ST3GAL4: variants seen among roughly 807,000 people sequenced by gnomAD.
ST3GAL4 encodes the protein CMP-N-acetylneuraminate-beta-galactosamide-alpha-2,3-sialyltransferase 4.
In ST3GAL4, 24 loss-of-function variants were observed where a neutral mutation model predicts 42.6. That is an observed-to-expected ratio of 0.56 (90% CI 0.41 to 0.79). The LOEUF (loss-of-function observed/expected upper bound fraction) is 0.79, where lower values mean the gene tolerates loss of function less well. ST3GAL4 is among the 30% of genes least tolerant of loss of function. ST3GAL4 has a pLI of 0.00. For synonymous variants in ST3GAL4, 135 were observed against 163.2 expected (o/e 0.83, Z 1.32); for missense variants, 311 against 430.8 (o/e 0.72, Z 2.46).
At chr11:126,369,849 T>C (rs1952577748) in intron 1 of ST3GAL4, among the ~76,000 whole-genome samples, 1 of 152,222 alleles carries the variant, frequency 6.6e-6, no homozygotes, top group Non-Finnish European at 1.5e-5. Context: ...CTGAGTACTC[T>C]ATTCACATAA....
In ST3GAL4 at chr11:126,409,147, G is replaced by T; in HGVS notation, c.628-121G>T. 8.1e-7 allele frequency: 1 copy of T among 1,232,194 alleles called. No individual in the cohort carries two copies. The highest frequency in any genetic ancestry group is 1.2e-6 in the Non-Finnish European group (1 of 866,532). The allele number at this position is 1,232,194 out of a possible 1,614,324, so 76.3% of individuals were successfully genotyped here. A position where few individuals can be genotyped will look rare whatever the true frequency, so the allele number is the denominator to read the frequency against. Reference sequence around the variant, plus strand: ...CTTCACCTCCCTTTCCTCTCACCTTGTGCTCCTGAAGGCCTCTGCCATCGC... The same window carrying T: ...CTTCACCTCCCTTTCCTCTCACCTTTTGCTCCTGAAGGCCTCTGCCATCGC... On this transcript the variant is annotated intron_variant, in intron 8 of 10. Coordinates refer to ENST00000444328, the MANE Select transcript of ST3GAL4 (RefSeq NM_001254757.2). This position sits in a 1 kb window ranked among gnomAD's most constrained non-coding sequence, Gnocchi z 4.9.
chr11:126,394,912 G>T (rs1449249283), intron 1 of ST3GAL4, among the ~76,000 whole-genome samples: 3 of 152,118 alleles, frequency 2.0e-5, no homozygotes, highest in East Asian at 1.9e-4. Context: ...AGCCTGTCTG[G>T]CTCCTTTCCC....
At chr11:126,412,105 G>T (rs1015970494) in intron 9 of ST3GAL4, among the ~76,000 whole-genome samples, 2 of 151,780 alleles carry the variant, frequency 1.3e-5, no homozygotes, top group African/African-American at 2.4e-5. Flanking sequence ...GGTAGGGGGC[G>T]GGGGGTGGTA....
At chr11:126,399,568 A>C (rs1021473887) in intron 1 of ST3GAL4, among the ~76,000 whole-genome samples, 2 of 151,976 alleles carry the variant, frequency 1.3e-5, no homozygotes, top group Non-Finnish European at 2.9e-5. Context: ...CAGCCTCCCA[A>C]AGTGCTAGGA....
intron 1 of ST3GAL4, among the ~76,000 whole-genome samples, chr11:126,377,144 G>T (rs1486520126): frequency 6.6e-6 from 1 of 152,048 alleles, no homozygotes; most frequent in Non-Finnish European, 1.5e-5. Context: ...TTAAGTTTTC[G>T]GTAATACCTG....
chr11:126,392,228 G>A lies in ST3GAL4; in HGVS notation c.-60-13868G>A, dbSNP rs1340747605. The A allele has an allele frequency of 3.7e-6, 3 of 805,748 alleles. No homozygotes were observed. Among genetic ancestry groups the A allele is most frequent in the African/African-American group, 3.7e-5 (2 of 53,568 alleles). 49.9% of individuals were successfully genotyped at this position (805,748 alleles called of 1,614,324 possible). A position where few individuals can be genotyped will look rare whatever the true frequency, so the allele number is the denominator to read the frequency against. On this transcript the variant is annotated intron_variant, in intron 1 of 10. Coordinates refer to ENST00000444328, the MANE Select transcript of ST3GAL4 (RefSeq NM_001254757.2). The surrounding 1 kb of genome is among the most constrained non-coding windows in gnomAD (Gnocchi z 5.8). ...CATCTCAGGTTGACCCCCGTTAGGA[G>A]GAAGTAAGTAGGAAGGAAGGAGATT...
rs1953497706 is a variant in ST3GAL4, at chr11:126,391,143, G to A, written c.-60-14953G>A. Among the ~76,000 whole-genome samples the A allele has an allele frequency of 6.6e-6, 1 of 152,152 alleles. No individual in the cohort carries two copies. Among genetic ancestry groups the A allele is most frequent in the African/African-American group, 2.4e-5 (1 of 41,420 alleles). ...CTATTGCAAAGTCAATAATGCTGCT[G>A]TGACCACGGGTGTACAGATATCTCT... On this transcript the variant is annotated intron_variant, in intron 1 of 10. Transcript: ENST00000444328. The surrounding 1 kb of genome is among the most constrained non-coding windows in gnomAD (Gnocchi z 5.5).
intron 1 of ST3GAL4, among the ~76,000 whole-genome samples, chr11:126,375,468 G>A (rs1057398515): frequency 1.3e-5 from 2 of 152,140 alleles, no homozygotes; most frequent in African/African-American, 4.8e-5. Flanking sequence ...GGTTTTAGAA[G>A]CCGTAGGATG....
rs1953603433 is a variant in ST3GAL4, at chr11:126,393,490, G to C, written c.-60-12606G>C. Reference sequence around the variant, plus strand: ...TCAGGAGGAGGGGGATGGGGACGGGGAGAGTGAGGTCTTTTTGACTTTGAT... The same window carrying C: ...TCAGGAGGAGGGGGATGGGGACGGGCAGAGTGAGGTCTTTTTGACTTTGAT... On this transcript the variant is annotated intron_variant, in intron 1 of 10. Transcript: ENST00000444328. This position sits in a 1 kb window ranked among gnomAD's most constrained non-coding sequence, Gnocchi z 5.9. 6.6e-6 allele frequency among the ~76,000 whole-genome samples: 1 copy of C among 152,198 alleles called. No homozygotes were observed. The highest frequency in any genetic ancestry group is 2.4e-5 in the African/African-American group (1 of 41,450).
In ST3GAL4 at chr11:126,406,353, C is replaced by G. The variant is rs1400504311; in HGVS notation, c.17-120C>G. On this transcript the variant is annotated intron_variant, in intron 2 of 10. Transcript: ENST00000444328. The surrounding 1 kb of genome is among the most constrained non-coding windows in gnomAD (Gnocchi z 5.4). Reference sequence around the variant, plus strand: ...CCCTCAGCCAGGGCCAGGAGAGGGCCAGAGACTGCTTCTGTTGAGTTAGGG... The same window carrying G: ...CCCTCAGCCAGGGCCAGGAGAGGGCGAGAGACTGCTTCTGTTGAGTTAGGG... 15 of 1,561,312 alleles carry G rather than the reference C, an allele frequency of 9.6e-6. No individual in the cohort carries two copies. The highest frequency in any genetic ancestry group is 1.3e-5 in the Non-Finnish European group (15 of 1,153,334).
Position 126,406,151 on chromosome 11 carries a change from G to A in ST3GAL4, c.-5G>A. 6.4e-7 allele frequency: 1 copy of A among 1,555,436 alleles called. No individual in the cohort carries two copies. Among genetic ancestry groups the A allele is most frequent in the East Asian group, 2.4e-5 (1 of 41,138 alleles). ...CCCCAGGAATCCTGCTGCCTGCTGA[G>A]AAACATGGTCAGCAAGTCCCGTGAG... On this transcript the variant is annotated 5_prime_UTR_variant, in exon 2 of 11. Transcript: ENST00000444328. The surrounding 1 kb of genome is among the most constrained non-coding windows in gnomAD (Gnocchi z 5.4).
intron 1 of ST3GAL4, among the ~76,000 whole-genome samples, chr11:126,385,429 G>A (rs1239564290): frequency 6.6e-6 from 1 of 152,058 alleles, no homozygotes; most frequent in East Asian, 1.9e-4. Flanking sequence ...TGGGATGACA[G>A]GCATGAGCCA....
Position 126,406,171 on chromosome 11 carries a change from C to G in ST3GAL4, c.16C>G (p.Arg6Gly). The part of the protein sequence containing the change: MVSKS[R>G]WKLLAMLALV... ...GCTGAGAAACATGGTCAGCAAGTCC[C>G]GTGAGTGTCATCCGAGGGCTCCCCC... The change falls in exon 2 of 11, where the codon CGC becomes GGC. Residue 6 changes from arginine to glycine, a missense_variant and splice_region_variant. Physicochemically the swap from Arg to Gly is moderately radical, Grantham distance 125. Transcript: ENST00000444328. The surrounding 1 kb of genome is among the most constrained non-coding windows in gnomAD (Gnocchi z 5.4). 3 of 1,558,046 alleles carry G rather than the reference C, an allele frequency of 1.9e-6. No homozygotes were observed. Among genetic ancestry groups the G allele is most frequent in the Non-Finnish European group, 2.6e-6 (3 of 1,150,804 alleles).
Position 126,400,510 on chromosome 11 carries a change from G to C in ST3GAL4, c.-60-5586G>C, listed in dbSNP as rs1240547041. Among the ~76,000 whole-genome samples the C allele has an allele frequency of 6.6e-6, 1 of 152,194 alleles. No individual in the cohort carries two copies. Among genetic ancestry groups the C allele is most frequent in the African/African-American group, 2.4e-5 (1 of 41,450 alleles). ...TGGCAGCTACAGTGGGAGGGAAAAG[G>C]TGGCTCCCTTAGTGTGCTTGGGAGG... On this transcript the variant is annotated intron_variant, in intron 1 of 10. Transcript: ENST00000444328. The surrounding 1 kb of genome is among the most constrained non-coding windows in gnomAD (Gnocchi z 4.6).
At position 126,406,806 on chromosome 11, in the gene ST3GAL4, C is replaced by T; in HGVS notation, c.102-137C>T. On this transcript the variant is annotated intron_variant, in intron 3 of 10. Transcript: ENST00000444328. This position sits in a 1 kb window ranked among gnomAD's most constrained non-coding sequence, Gnocchi z 5.4. ...CCTGGATCCTCAAGGACTTGGGTTCCAAGTGGAACTTAACTTGAGATGATT... is the reference window on the plus strand; with the variant it reads ...CCTGGATCCTCAAGGACTTGGGTTCTAAGTGGAACTTAACTTGAGATGATT... 1 of 987,792 alleles carries T rather than the reference C, an allele frequency of 1.0e-6. No individual in the cohort carries two copies. Among genetic ancestry groups the T allele is most frequent in the Non-Finnish European group, 1.5e-6 (1 of 649,220 alleles). 61.2% of individuals were successfully genotyped at this position (987,792 alleles called of 1,614,324 possible).
intron 1 of ST3GAL4, among the ~76,000 whole-genome samples, chr11:126,357,071 C>A (rs1952095909): frequency 6.6e-6 from 1 of 152,202 alleles, no homozygotes; most frequent in South Asian, 2.1e-4. Context: ...CCAAAGCTGC[C>A]CGATAATTCT....
At position 126,406,134 on chromosome 11, in the gene ST3GAL4, A is replaced by G. The variant is rs934584191; in HGVS notation, c.-22A>G. 1.9e-6 allele frequency: 3 copies of G among 1,552,916 alleles called. No homozygotes were observed. The highest frequency in any genetic ancestry group is 2.6e-6 in the Non-Finnish European group (3 of 1,147,682). ...GCCGGGATGACAGCTCTCCCCAGGA[A>G]TCCTGCTGCCTGCTGAGAAACATGG... On this transcript the variant is annotated 5_prime_UTR_variant, in exon 2 of 11. Coordinates refer to ENST00000444328, the MANE Select transcript of ST3GAL4 (RefSeq NM_001254757.2). This position sits in a 1 kb window ranked among gnomAD's most constrained non-coding sequence, Gnocchi z 5.4.
Position 126,409,058 on chromosome 11 carries a change from C to T in ST3GAL4, c.628-210C>T, listed in dbSNP as rs1241079985. Among the ~76,000 whole-genome samples the T allele has an allele frequency of 1.3e-5, 2 of 152,140 alleles. No individual in the cohort carries two copies. Among genetic ancestry groups the T allele is most frequent in the African/African-American group, 2.4e-5 (1 of 41,416 alleles). On this transcript the variant is annotated intron_variant, in intron 8 of 10. Coordinates refer to ENST00000444328, the MANE Select transcript of ST3GAL4 (RefSeq NM_001254757.2). This position sits in a 1 kb window ranked among gnomAD's most constrained non-coding sequence, Gnocchi z 4.9. ...CTATACACCTGGTCACCTGGCCTCC[C>T]GAGGGGGTGCCTTTCCTCCTCTCTT... is the stretch of plus-strand genomic sequence containing the variant.
rs1953763164 is a variant in ST3GAL4 at position 126,396,404 on chromosome 11, C to CA, written c.-60-9686dup. ...CCATGCCAGTGGTGGGATGTGGCTG[C>CA]AAAAAATGGTCGGATTCATGGAAGT... On this transcript the variant is annotated intron_variant, in intron 1 of 10. Transcript: ENST00000444328. This position sits in a 1 kb window ranked among gnomAD's most constrained non-coding sequence, Gnocchi z 5.8. Among the ~76,000 whole-genome samples the CA allele has an allele frequency of 6.6e-6, 1 of 151,848 alleles. No homozygotes were observed. Among genetic ancestry groups the CA allele is most frequent in the Non-Finnish European group, 1.5e-5 (1 of 67,994 alleles).
Sources: allele counts gnomAD v4.1 joint callset (sites outside exome capture counted in the v4.1 genomes callset), GRCh38; gene constraint gnomAD v4.1.1; non-coding constraint Gnocchi (gnomAD v3.1); transcripts MANE v1.5; gene names NCBI Gene and HGNC (gene_info 2026-07-23, HGNC 2026-07-21).